Variants in CLASP2 observed in about 807,000 individuals in gnomAD.
The protein encoded by CLASP2 is cytoplasmic linker associated protein 2.
A neutral mutation model predicts 194.4 loss-of-function variants in CLASP2; 47 were observed. The ratio of observed to expected loss-of-function variants is 0.24; its 90% CI spans 0.19 to 0.31. The LOEUF (loss-of-function observed/expected upper bound fraction) is 0.31, where lower values mean the gene tolerates loss of function less well. Ranked by LOEUF, CLASP2 falls within the 10% of genes least tolerant of loss-of-function variation. CLASP2 has a pLI of 1.00. For synonymous variants in CLASP2, 619 were observed against 633.5 expected, an observed-to-expected ratio of 0.98 and a Z score of 0.34; for missense variants, 1,445 against 1,823.6, an observed-to-expected ratio of 0.79 and a Z score of 3.78.
intron 18 of CLASP2, among the ~76,000 whole-genome samples, chr3:33,597,010 C>CT (rs1482939055): frequency 7.9e-5 from 12 of 152,148 alleles, no homozygotes; most frequent in Admixed American, 7.9e-4. Context: ...CATGTCCCAG[C>CT]TTTGGACTTT....
At chr3:33,522,797 G>A (rs1454767026) in intron 34 of CLASP2, among the ~76,000 whole-genome samples, 7 of 152,334 alleles carry the variant, frequency 4.6e-5, no homozygotes, top group East Asian at 1.9e-4. Context: ...GTGGCCGGGC[G>A]CAGTGGCTCA....
intron 34 of CLASP2, among the ~76,000 whole-genome samples, chr3:33,534,800 T>C (rs2057026721): frequency 6.6e-6 from 1 of 152,166 alleles, no homozygotes; most frequent in Non-Finnish European, 1.5e-5. Context: ...TAATGGTAAC[T>C]TTCCTTATAT....
intron 22 of CLASP2, among the ~76,000 whole-genome samples, chr3:33,583,736 A>G (rs2066680224): frequency 6.6e-6 from 1 of 152,226 alleles, no homozygotes; most frequent in Non-Finnish European, 1.5e-5. Flanking sequence ...TAAATATGAG[A>G]ATATTTTTTA....
chr3:33,705,307 A>G (rs1408352779), intron 1 of CLASP2, among the ~76,000 whole-genome samples: 2 of 152,232 alleles, frequency 1.3e-5, no homozygotes, highest in African/African-American at 4.8e-5. Flanking sequence ...TACATGTTAT[A>G]TGGTTCAATT....
chr3:33,618,097 C>T (rs558829932), intron 12 of CLASP2, among the ~76,000 whole-genome samples: 90 of 151,282 alleles, frequency 5.9e-4, no homozygotes, highest in Middle Eastern at 3.4e-3. Flanking sequence ...TACAGGCATG[C>T]GCCACCATGC....
intron 16 of CLASP2, 68 bp from the exon 17 acceptor site, chr3:33,604,277 A>C: frequency 2.0e-6 from 2 of 989,536 alleles, no homozygotes; most frequent in Non-Finnish European, 3.0e-6. Flanking sequence ...AACCAATAAA[A>C]TACTACTGAA....
In CLASP2 at chr3:33,645,133, ATT is replaced by A. The variant is rs2082066230; in HGVS notation, c.716-232_716-231del. On this transcript the variant is annotated intron_variant, in intron 7 of 38. Transcript: ENST00000682230. The stretch of plus-strand genomic sequence containing the variant: ...ATTTTCATACTTCTTACTTATACAT[ATT>A]AAGTCAAAACATAAAACATTTTAAC... 13 of 692,594 alleles carry A rather than the reference ATT, an allele frequency of 1.9e-5. No homozygotes were observed. The East Asian group carries it at 3.0e-4, about 16-fold the overall frequency. 42.9% of individuals were successfully genotyped at this position (692,594 alleles called of 1,614,324 possible).
At position 33,581,931 on chromosome 3, in the gene CLASP2, G is replaced by A; in HGVS notation, c.2240-3C>T. Reference sequence around the variant, plus strand: ...TCGAGGAATACGACTGCTTCGGGCTGGTGTGAAGCAACAGCAGCACACACA... The same window carrying A: ...TCGAGGAATACGACTGCTTCGGGCTAGTGTGAAGCAACAGCAGCACACACA... On this transcript the variant is annotated splice_region_variant and splice_polypyrimidine_tract_variant and intron_variant, in intron 22 of 38. Transcript: ENST00000682230. 6.2e-7 allele frequency: 1 copy of A among 1,602,786 alleles called. No homozygotes were observed. The highest frequency in any genetic ancestry group is 8.5e-7 in the Non-Finnish European group (1 of 1,170,216).
intron 38 of CLASP2, among the ~76,000 whole-genome samples, 168 bp downstream of exon 38, chr3:33,501,484 T>C (rs1266481265): frequency 6.6e-6 from 1 of 152,030 alleles, no homozygotes; most frequent in Non-Finnish European, 1.5e-5. Flanking sequence ...CTAACAAATG[T>C]TAGAGTAGAA....
At position 33,592,494 on chromosome 3, in the gene CLASP2, G is replaced by A. The variant is rs774491937; in HGVS notation, c.1969C>T (p.Arg657Trp). 8.7e-6 allele frequency: 14 copies of A among 1,607,934 alleles called. No homozygotes were observed. The highest frequency in any genetic ancestry group is 1.3e-5 in the African/African-American group (1 of 74,856). The change falls in exon 21 of 39, where the codon CGG becomes TGG. Residue 657 changes from arginine (R) to tryptophan (W), a missense_variant and splice_region_variant. Transcript: ENST00000682230. ...GGTGCTGAAAGTTTTGCTCTCACCC[G>A]GCCTGAGAAATAAAATATTTACATA... ...KLDGTASEDG[R>W]VRAKLSAPLA...
rs35355235 is a variant in CLASP2 at position 33,584,282 on chromosome 3, GT to G, written c.2239+467del. Among the ~76,000 whole-genome samples the G allele has an allele frequency of 7.6e-3, 1,010 of 132,556 alleles. 6 individuals carry two copies. The highest frequency in any genetic ancestry group is 0.022 in the African/African-American group (790 of 35,772). The allele number at this position is 132,556 out of a possible 152,430, so 87.0% of individuals were successfully genotyped here. A position where few individuals can be genotyped will look rare whatever the true frequency, so the allele number is the denominator to read the frequency against. ...ATAGGGTTTGTTTGTTTTGTTTTGG[GT>G]TTTTTTTTTTTTTTTTGAGACAGAG... On this transcript the variant is annotated intron_variant, in intron 22 of 38. Transcript: ENST00000682230.
intron 7 of CLASP2, chr3:33,645,177 G>C: frequency 1.3e-6 from 1 of 752,766 alleles, no homozygotes; most frequent in Middle Eastern, 2.3e-4. Context: ...GGTAGTAAAA[G>C]TATTTTTCAT....
rs2091525633 is a variant in CLASP2, at chr3:33,693,119, AT to A, written c.275-3188del. 2.6e-5 allele frequency among the ~76,000 whole-genome samples: 4 copies of A among 152,000 alleles called. No homozygotes were observed. The South Asian group carries it at 8.3e-4, about 31-fold the overall frequency. On this transcript the variant is annotated intron_variant, in intron 2 of 38. Transcript: ENST00000682230. ...TGCATATTTTTTGTTTGAAAATTAT[AT>A]TTTTCCACAATATATGTGGTCACAA...
chr3:33,559,701 C>A (rs1215404090), intron 28 of CLASP2, among the ~76,000 whole-genome samples: 4 of 151,942 alleles, frequency 2.6e-5, no homozygotes, highest in African/African-American at 7.3e-5. Flanking sequence ...TCGAGACCAG[C>A]GTGACCAACA....
chr3:33,673,907 T>C (rs1212786312), intron 6 of CLASP2, among the ~76,000 whole-genome samples: 3 of 152,226 alleles, frequency 2.0e-5, no homozygotes, highest in Non-Finnish European at 2.9e-5. Context: ...CCTAAATATA[T>C]ATGCACCCAA....
intron 22 of CLASP2, 85 bp downstream of exon 22, chr3:33,584,665 T>C: frequency 8.2e-7 from 1 of 1,226,104 alleles, no homozygotes; most frequent in Non-Finnish European, 1.1e-6. Context: ...CCTAATTGTA[T>C]TCCAAAGTCT....
At chr3:33,619,493 C>T in intron 12 of CLASP2, 110 bp downstream of exon 12, 1 of 952,178 alleles carries the variant, frequency 1.1e-6, no homozygotes, top group Non-Finnish European at 1.5e-6. Flanking sequence ...AACTCCATGA[C>T]TTACATTGAG....
chr3:33,658,855 T>A, intron 7 of CLASP2: 1 of 917,140 alleles, frequency 1.1e-6, no homozygotes, highest in Non-Finnish European at 1.7e-6. Context: ...CACACATGCA[T>A]AAACACACAA....
chr3:33,525,531 C>T (rs942054982), intron 34 of CLASP2, among the ~76,000 whole-genome samples: 1 of 152,022 alleles, frequency 6.6e-6, no homozygotes, highest in African/African-American at 2.4e-5. Flanking sequence ...ACCTCCCCTG[C>T]CTAGGAAAGC....
Sources: gnomAD v4.1 joint callset for allele counts (sites outside exome capture counted in the v4.1 genomes callset) on GRCh38, gnomAD v4.1.1 for gene constraint, MANE v1.5 for transcripts, NCBI Gene and HGNC (gene_info 2026-07-23, HGNC 2026-07-21) for gene names.